The following TRIO variants were observed in gnomAD, a reference collection of about 807,000 sequenced individuals.
The protein encoded by TRIO is trio Rho guanine nucleotide exchange factor.
In TRIO, 58 loss-of-function variants were observed where a neutral mutation model predicts 351.9. That is an observed-to-expected ratio of 0.16 (90% CI 0.13 to 0.21). The LOEUF (loss-of-function observed/expected upper bound fraction) is 0.21, where lower values mean the gene tolerates loss of function less well. Ranked by LOEUF, TRIO falls within the 10% of genes least tolerant of loss-of-function variation. The pLI, the probability that TRIO is intolerant of heterozygous loss-of-function variation, is 1.00. For missense variants in TRIO, 3,201 were observed against 4,027.8 expected (o/e 0.79, Z 5.56); for synonymous variants, 1,758 against 1,595.7 (o/e 1.10, Z -2.42).
intron 31 of TRIO, among the ~76,000 whole-genome samples, chr5:14,405,487 AC>A (rs1460617195): frequency 7.2e-5 from 11 of 152,228 alleles, no homozygotes; most frequent in Admixed American, 6.5e-4. Flanking sequence ...CCCCCTACTG[AC>A]CAGTGCGCAG....
At chr5:14,177,669 C>T (rs1387901324) in intron 1 of TRIO, among the ~76,000 whole-genome samples, 2 of 152,194 alleles carry the variant, frequency 1.3e-5, no homozygotes, top group Non-Finnish European at 2.9e-5. Context: ...GCCCAGGACC[C>T]CTTGGAGAGG....
chr5:14,437,697 C>CCCCCCCA (rs1751704322), intron 34 of TRIO, among the ~76,000 whole-genome samples: 1 of 147,890 alleles, frequency 6.8e-6, no homozygotes, highest in African/African-American at 2.6e-5. Context: ...CCCCCCCCGC[C>CCCCCCCA]CCAAGGACCT....
intron 34 of TRIO, among the ~76,000 whole-genome samples, chr5:14,452,233 T>C (rs1471133988): frequency 6.6e-6 from 1 of 152,256 alleles, no homozygotes; most frequent in African/African-American, 2.4e-5. Context: ...CCTGGGGCGC[T>C]TGTCCTTAGA....
chr5:14,399,357 C>G (rs80132931), intron 30 of TRIO: 1 of 439,764 alleles, frequency 2.3e-6, no homozygotes, highest in African/African-American at 2.0e-5. Context: ...CATTTATCTC[C>G]GGTGTGCTTA....
At chr5:14,371,761 C>T (rs981514049) in intron 18 of TRIO, among the ~76,000 whole-genome samples, 1 of 151,882 alleles carries the variant, frequency 6.6e-6, no homozygotes, top group African/African-American at 2.4e-5. Context: ...CCACCTCCGC[C>T]CCCCTAGGAG....
At chr5:14,361,194 G>A (rs58324829) in intron 13 of TRIO, among the ~76,000 whole-genome samples, 5,109 of 151,732 alleles carry the variant, frequency 0.034, 310 homozygotes, top group African/African-American at 0.12. Flanking sequence ...AAATCGATTC[G>A]TTTATCTTAA....
At chr5:14,183,555 TC>T (rs538936230) in intron 1 of TRIO, among the ~76,000 whole-genome samples, 12 of 149,436 alleles carry the variant, frequency 8.0e-5, no homozygotes, top group Middle Eastern at 3.4e-3. Context: ...ACTCCTCCCT[TC>T]CCCCCCAAGA....
chr5:14,438,815 G>GTCTA (rs1751799363), intron 34 of TRIO, among the ~76,000 whole-genome samples: 3 of 152,362 alleles, frequency 2.0e-5, no homozygotes, highest in South Asian at 4.1e-4. Flanking sequence ...TAGTGGCTCA[G>GTCTA]GTTGTCGCCC....
rs960833215 is a variant in TRIO at position 14,143,463 on chromosome 5, C to G, written c.-263C>G. On this transcript the variant is annotated 5_prime_UTR_variant, in exon 1 of 57. Transcript: ENST00000344204. ...GGAGGCGCGTGCTGCTGCCCGCGCT[C>G]CGGCCGGCGCCCGGGAGGCCGTGGC... 1.3e-5 allele frequency among the ~76,000 whole-genome samples: 2 copies of G among 148,892 alleles called. No individual in the cohort carries two copies. Among genetic ancestry groups the G allele is most frequent in the African/African-American group, 4.9e-5 (2 of 41,024 alleles).
chr5:14,429,285 A>C (rs910910588), intron 34 of TRIO, among the ~76,000 whole-genome samples: 1 of 152,180 alleles, frequency 6.6e-6, no homozygotes, highest in Non-Finnish European at 1.5e-5. Context: ...GGCGCTGATG[A>C]GAAGTGTGTG....
chr5:14,245,581 G>A (rs1163998169), intron 1 of TRIO, among the ~76,000 whole-genome samples: 4 of 152,230 alleles, frequency 2.6e-5, no homozygotes, highest in South Asian at 2.1e-4. Flanking sequence ...ACAGTTCTGC[G>A]CTACTGAATT....
At chr5:14,247,158 C>G (rs946084893) in intron 1 of TRIO, among the ~76,000 whole-genome samples, 1 of 152,258 alleles carries the variant, frequency 6.6e-6, no homozygotes, top group Non-Finnish European at 1.5e-5. Flanking sequence ...GCCTCGTGTG[C>G]TTTCTTCACG....
intron 34 of TRIO, among the ~76,000 whole-genome samples, chr5:14,436,163 T>TA (rs1209133369): frequency 6.6e-6 from 1 of 152,192 alleles, no homozygotes; most frequent in Non-Finnish European, 1.5e-5. Flanking sequence ...TTATTGGACT[T>TA]ACAGTTCCAT....
At chr5:14,234,350 G>A (rs1793648309) in intron 1 of TRIO, among the ~76,000 whole-genome samples, 1 of 152,190 alleles carries the variant, frequency 6.6e-6, no homozygotes, top group Non-Finnish European at 1.5e-5. Context: ...CCAGTGAGTT[G>A]AGGAAATGCT....
At chr5:14,395,014 C>T (rs990367812) in intron 28 of TRIO, among the ~76,000 whole-genome samples, 1 of 152,258 alleles carries the variant, frequency 6.6e-6, no homozygotes, top group African/African-American at 2.4e-5. Context: ...ATGAATCCTG[C>T]CATGTTCCAG....
At chr5:14,316,890 C>T in intron 9 of TRIO, 147 bp downstream of exon 9, 1 of 963,004 alleles carries the variant, frequency 1.0e-6, no homozygotes, top group East Asian at 2.7e-5. Flanking sequence ...TAAGTGAAAA[C>T]TGGGCTTAGG....
intron 53 of TRIO, among the ~76,000 whole-genome samples, chr5:14,501,986 G>A (rs1195600606): frequency 6.6e-6 from 1 of 152,188 alleles, no homozygotes; most frequent in East Asian, 1.9e-4. Flanking sequence ...ATGTACACAG[G>A]GTTCATTACT....
intron 1 of TRIO, among the ~76,000 whole-genome samples, chr5:14,216,413 G>A (rs1408574342): frequency 6.6e-6 from 1 of 152,186 alleles, no homozygotes; most frequent in Non-Finnish European, 1.5e-5. Flanking sequence ...AAGATGTGGT[G>A]TTTCAAACAA....
intron 8 of TRIO, among the ~76,000 whole-genome samples, chr5:14,308,239 G>T (rs893217404): frequency 6.6e-6 from 1 of 151,596 alleles, no homozygotes; most frequent in East Asian, 1.9e-4. Flanking sequence ...CCATCCATCC[G>T]TCTATCTCTG....
Sources: gnomAD v4.1 joint callset for allele counts (sites outside exome capture counted in the v4.1 genomes callset) on GRCh38, gnomAD v4.1.1 for gene constraint, MANE v1.5 for transcripts, NCBI Gene and HGNC (gene_info 2026-07-23, HGNC 2026-07-21) for gene names.